Variants in LINGO2 observed in about 807,000 individuals in gnomAD.
LINGO2 encodes the protein leucine rich repeat and Ig domain containing 2.
Under a neutral mutation model 30.6 loss-of-function variants are expected in LINGO2, and 14 were observed. The ratio of observed to expected loss-of-function variants is 0.46; its 90% CI spans 0.30 to 0.72. LINGO2 has a LOEUF of 0.72. LINGO2 is among the 30% of genes least tolerant of loss of function. The probability of loss-of-function intolerance (pLI) is 0.07; values close to 1 mark genes in which losing one functional copy is unlikely to be tolerated. For synonymous variants in LINGO2, 317 were observed against 288.5 expected (o/e 1.10, Z -1.00); for missense variants, 729 against 751.7 (o/e 0.97, Z 0.35).
intron 3 of LINGO2, among the ~76,000 whole-genome samples, chr9:28,358,512 G>A (rs1468677446): frequency 1.3e-5 from 2 of 152,126 alleles, no homozygotes; most frequent in African/African-American, 4.8e-5. Flanking sequence ...ACAGGTCTCA[G>A]GATGACAGCC....
chr9:28,709,177 C>T, the LINGO2 span, among the ~76,000 whole-genome samples: 2 of 152,102 alleles, frequency 1.3e-5, no homozygotes, highest in Admixed American at 6.6e-5. Context: ...TAAGATTTAA[C>T]AAGTTTCTAC....
chr9:28,826,014 C>T, the LINGO2 span, among the ~76,000 whole-genome samples: 1 of 152,120 alleles, frequency 6.6e-6, no homozygotes, highest in African/African-American at 2.4e-5. Flanking sequence ...TGCCAAGGCA[C>T]AAAGCTACAG....
At chr9:28,477,177 C>A (rs907175304) in intron 1 of LINGO2, among the ~76,000 whole-genome samples, 9 of 152,270 alleles carry the variant, frequency 5.9e-5, no homozygotes, top group African/African-American at 1.9e-4. Flanking sequence ...GTTTACATAT[C>A]AGATTTCCTA....
intron 2 of LINGO2, among the ~76,000 whole-genome samples, chr9:28,403,593 G>A (rs1822361399): frequency 1.3e-5 from 2 of 150,528 alleles, no homozygotes; most frequent in Non-Finnish European, 2.9e-5. Flanking sequence ...GCCCTACCCT[G>A]TTCTCAAAGA....
chr9:29,139,485 C>G, the LINGO2 span, among the ~76,000 whole-genome samples: 2 of 152,030 alleles, frequency 1.3e-5, no homozygotes, highest in African/African-American at 4.8e-5. Context: ...TTTGTTAACA[C>G]TTAAGACAAT....
At chr9:28,869,458 AAAG>A in the LINGO2 span, among the ~76,000 whole-genome samples, 1 of 152,116 alleles carries the variant, frequency 6.6e-6, no homozygotes, top group South Asian at 2.1e-4. Flanking sequence ...GGGGTCACAG[AAAG>A]AAGGCTATTC....
chr9:28,570,972 A>T (rs990531373), intron 1 of LINGO2, among the ~76,000 whole-genome samples: 1 of 150,976 alleles, frequency 6.6e-6, no homozygotes, highest in Non-Finnish European at 1.5e-5. Flanking sequence ...TATTCAACTG[A>T]AAAAAAAAGA....
chr9:28,312,709 T>C (rs574280750), intron 3 of LINGO2, among the ~76,000 whole-genome samples: 56 of 152,230 alleles, frequency 3.7e-4, no homozygotes, highest in Non-Finnish European at 6.5e-4. Context: ...TCTGAGAAAA[T>C]TTTAATAGTT....
intron 1 of LINGO2, among the ~76,000 whole-genome samples, chr9:28,581,918 T>C (rs1310457248): frequency 3.3e-5 from 5 of 152,046 alleles, no homozygotes; most frequent in African/African-American, 7.2e-5. Flanking sequence ...TTATTTTTTA[T>C]TAATGTTAGT....
intron 4 of LINGO2, among the ~76,000 whole-genome samples, chr9:28,150,544 A>G (rs1298651021): frequency 1.3e-5 from 2 of 152,110 alleles, no homozygotes; most frequent in African/African-American, 4.8e-5. Flanking sequence ...AGATCGCACC[A>G]CTGCACTCCA....
chr9:28,180,895 G>A (rs896592378), intron 4 of LINGO2, among the ~76,000 whole-genome samples: 12 of 152,008 alleles, frequency 7.9e-5, no homozygotes, highest in African/African-American at 2.7e-4. Flanking sequence ...ACAATGGATT[G>A]TTCACTACTC....
chr9:28,361,216 C>T (rs992658597), intron 3 of LINGO2, among the ~76,000 whole-genome samples: 3 of 152,024 alleles, frequency 2.0e-5, no homozygotes, highest in Non-Finnish European at 2.9e-5. Context: ...ACTTAATAAG[C>T]GGCCCCAAAG....
chr9:28,654,653 T>C (rs1828255338), intron 1 of LINGO2, among the ~76,000 whole-genome samples: 1 of 152,026 alleles, frequency 6.6e-6, no homozygotes, highest in South Asian at 2.1e-4. Context: ...ACCATAGAGG[T>C]TTATGGTTGC....
chr9:28,187,038 C>T (rs1042144128), intron 4 of LINGO2, among the ~76,000 whole-genome samples: 1 of 151,966 alleles, frequency 6.6e-6, no homozygotes, highest in Non-Finnish European at 1.5e-5. Flanking sequence ...TGAAGGAAAT[C>T]GATGGTAGAC....
At chr9:28,565,714 C>A (rs928226582) in intron 1 of LINGO2, among the ~76,000 whole-genome samples, 10 of 151,298 alleles carry the variant, frequency 6.6e-5, no homozygotes, top group Non-Finnish European at 1.2e-4. Context: ...ACCACGCCCA[C>A]CTAATTTTTT....
intron 3 of LINGO2, among the ~76,000 whole-genome samples, chr9:28,353,372 C>T (rs1428471834): frequency 2.7e-5 from 4 of 150,534 alleles, no homozygotes; most frequent in Admixed American, 2.0e-4. Flanking sequence ...CAAAAGAAGA[C>T]ATTTATGCAG....
At chr9:29,029,621 C>T in the LINGO2 span, among the ~76,000 whole-genome samples, 2 of 152,070 alleles carry the variant, frequency 1.3e-5, no homozygotes, top group East Asian at 3.9e-4. Context: ...AGACTGTAAA[C>T]CTGACATCTC....
chr9:29,090,432 T>C, the LINGO2 span, among the ~76,000 whole-genome samples: 1 of 152,020 alleles, frequency 6.6e-6, no homozygotes, highest in Non-Finnish European at 1.5e-5. Context: ...CTTGTCTATA[T>C]CCATGTCTGT....
rs571899631 is a variant in LINGO2, at chr9:28,663,923, T to G, written c.-365+6277A>C. 3.4e-3 allele frequency among the ~76,000 whole-genome samples: 491 copies of G among 145,006 alleles called. 4 individuals are homozygous for G. Among genetic ancestry groups the G allele is most frequent in the African/African-American group, 0.011 (439 of 38,306 alleles). On this transcript the variant is annotated intron_variant, in intron 1 of 5. Coordinates refer to ENST00000379992, the Ensembl canonical transcript of LINGO2. ...CAACTTGAGATTATATATGAATTAT[T>G]ATACCTAAAAAGGCTTGAGTTATTT...
Sources: gnomAD v4.1 joint callset for allele counts (sites outside exome capture counted in the v4.1 genomes callset) on GRCh38, gnomAD v4.1.1 for gene constraint, MANE v1.5 for transcripts, NCBI Gene and HGNC (gene_info 2026-07-23, HGNC 2026-07-21) for gene names.